The following MCMBP variants were observed in gnomAD, a reference collection of about 807,000 sequenced individuals.
MCMBP encodes mini-chromosome maintenance complex-binding protein.
In MCMBP, 31 loss-of-function variants were observed where a neutral mutation model predicts 81.3. The ratio of observed to expected loss-of-function variants is 0.38; its 90% CI spans 0.29 to 0.51. The LOEUF (loss-of-function observed/expected upper bound fraction) is 0.51. MCMBP is among the 20% of genes least tolerant of loss of function. The probability of loss-of-function intolerance (pLI) is 0.87; values close to 1 mark genes in which losing one functional copy is unlikely to be tolerated. For synonymous variants in MCMBP, 267 were observed against 275.9 expected (o/e 0.97, Z 0.32); for missense variants, 645 against 772.1 (o/e 0.84, Z 1.95).
intron 1 of MCMBP, among the ~76,000 whole-genome samples, chr10:119,867,011 G>T (rs903133967): frequency 6.6e-6 from 1 of 151,772 alleles, no homozygotes; most frequent in Non-Finnish European, 1.5e-5. Flanking sequence ...GGTTACTTCA[G>T]GCAGGGCACG....
chr10:119,868,104 C>A (rs1184363135), intron 1 of MCMBP, among the ~76,000 whole-genome samples: 1 of 152,134 alleles, frequency 6.6e-6, no homozygotes, highest in East Asian at 1.9e-4. Flanking sequence ...GAATAATGAT[C>A]TTGGTCTAAC....
intron 15 of MCMBP, 124 bp downstream of exon 15, chr10:119,831,888 A>T: frequency 1.0e-6 from 1 of 1,004,778 alleles, no homozygotes; most frequent in Admixed American, 2.6e-5. Context: ...GCCCTTTCAT[A>T]CAGCGTTTTT....
At position 119,840,949 on chromosome 10, in the gene MCMBP, C is replaced by G; in HGVS notation, c.1136G>C (p.Arg379Thr). 6.3e-7 allele frequency: 1 copy of G among 1,587,714 alleles called. No homozygotes were observed. Among genetic ancestry groups the G allele is most frequent in the Non-Finnish European group, 8.6e-7 (1 of 1,159,020 alleles). Residue 379 changes from arginine (R) to threonine (T), a missense_variant, in exon 11 of 16, where the codon AGA becomes ACA. Transcript: ENST00000369077. ...LHLISTVYTR[R>T]DVLPLGKFTV... ...AAATTTTCCTAGTGGAAGGACATCT[C>G]TTCTTGTATATCTAGAAAAGAAAGA...
chr10:119,835,452 A>T (rs12775607), intron 14 of MCMBP, 88 bp downstream of exon 14: 36 of 1,184,066 alleles, frequency 3.0e-5, no homozygotes, highest in Non-Finnish European at 4.3e-5. Context: ...AAATAACAAA[A>T]TTACCTTATC....
chr10:119,843,264 C>T lies in MCMBP; in HGVS notation c.990G>A (p.Glu330=). 1 of 1,613,644 alleles carries T rather than the reference C, an allele frequency of 6.2e-7. No homozygotes were observed. Among genetic ancestry groups the T allele is most frequent in the Non-Finnish European group, 8.5e-7 (1 of 1,179,722 alleles). Residue 330 remains glutamate, a synonymous_variant, in exon 9 of 16, where the codon GAG becomes GAA. Transcript: ENST00000369077. ...PLLPACLNKE[E]SKTFVSSFMS... ...AACACTTACACTTACAGGTTTTGCT[C>T]TCCTCTTTGTTAAGGCAGGCAGGCA... is the stretch of plus-strand genomic sequence containing the variant.
chr10:119,855,670 G>A (rs577970854), intron 5 of MCMBP, among the ~76,000 whole-genome samples: 87 of 150,354 alleles, frequency 5.8e-4, no homozygotes, highest in African/African-American at 2.0e-3. Flanking sequence ...GCAAGACCCC[G>A]TCTAAAAAAA....
Position 119,842,459 on chromosome 10 carries a change from AT to A in MCMBP, c.1124+12del. ...CCAAACTCCCCTAATTCCCACCAGGATACAGCACTTACACTGTGGAGATGAG... is the reference window on the plus strand; with the variant it reads ...CCAAACTCCCCTAATTCCCACCAGGAACAGCACTTACACTGTGGAGATGAG... On this transcript the variant is annotated intron_variant, in intron 10 of 15. Transcript: ENST00000369077. 4.4e-6 allele frequency: 7 copies of A among 1,607,536 alleles called. No individual in the cohort carries two copies. Among genetic ancestry groups the A allele is most frequent in the Non-Finnish European group, 5.9e-6 (7 of 1,177,616 alleles).
rs1254209914 is a variant in MCMBP, at chr10:119,831,908, A to T, written c.1796+104T>A. The stretch of plus-strand genomic sequence containing the variant: ...TTCATACAGCGTTTTTAAAAGGAAA[A>T]GTTCATTTCCGTTTTTAGAATTCTG... On this transcript the variant is annotated intron_variant, in intron 15 of 15. Transcript: ENST00000369077. The T allele has an allele frequency of 1.3e-4, 151 of 1,153,798 alleles. No homozygotes were observed. In the East Asian group the frequency reaches 1.7e-3, roughly 13 times the overall value. The allele number at this position is 1,153,798 out of a possible 1,614,324, so 71.5% of individuals were successfully genotyped here. A position where few individuals can be genotyped will look rare whatever the true frequency, so the allele number is the denominator to read the frequency against.
At chr10:119,867,208 G>A (rs916614940) in intron 1 of MCMBP, among the ~76,000 whole-genome samples, 4 of 143,800 alleles carry the variant, frequency 2.8e-5, no homozygotes, top group African/African-American at 1.0e-4. Context: ...CATGAGAATC[G>A]CTTGAACCTG....
chr10:119,831,862 G>C lies in MCMBP; in HGVS notation c.1796+150C>G, dbSNP rs1405951732. 3.7e-6 allele frequency: 3 copies of C among 817,020 alleles called. No individual in the cohort carries two copies. The South Asian group carries it at 5.6e-5, about 15-fold the overall frequency. 50.6% of individuals were successfully genotyped at this position (817,020 alleles called of 1,614,324 possible). A position where few individuals can be genotyped will look rare whatever the true frequency, so the allele number is the denominator to read the frequency against. Reference sequence around the variant, plus strand: ...ACTGAAGAGATCACCAGCCAAACTCGATTCCCCCTCAATGAGCCCTTTCAT... The same window carrying C: ...ACTGAAGAGATCACCAGCCAAACTCCATTCCCCCTCAATGAGCCCTTTCAT... On this transcript the variant is annotated intron_variant, in intron 15 of 15. Transcript: ENST00000369077.
At chr10:119,834,435 AATG>A (rs1229859900) in intron 14 of MCMBP, among the ~76,000 whole-genome samples, 1 of 152,192 alleles carries the variant, frequency 6.6e-6, no homozygotes, top group Non-Finnish European at 1.5e-5. Context: ...ACATATTCGA[AATG>A]ATGAGACAAA....
In MCMBP at chr10:119,871,508, A is replaced by T. The variant is rs140260073; in HGVS notation, c.58+1019T>A. ...AACTAATTAGAATTACAGGTAAATT[A>T]ATAAGGACTTCCTGAGTAAGCACTA... is the stretch of plus-strand genomic sequence containing the variant. On this transcript the variant is annotated intron_variant, in intron 1 of 15. Coordinates refer to ENST00000369077, the MANE Select transcript of MCMBP (RefSeq NM_001256378.2). Among the ~76,000 whole-genome samples the T allele has an allele frequency of 3.1e-3, 472 of 152,342 alleles. 1 individual carries two copies. Among genetic ancestry groups the T allele is most frequent in the African/African-American group, 0.011 (454 of 41,576 alleles).
intron 11 of MCMBP, among the ~76,000 whole-genome samples, chr10:119,839,652 C>A (rs1852366304): frequency 6.6e-6 from 1 of 152,154 alleles, no homozygotes; most frequent in Admixed American, 6.5e-5. Context: ...AGGTCAAAAT[C>A]ATGCATGGAT....
intron 7 of MCMBP, among the ~76,000 whole-genome samples, chr10:119,848,870 A>C (rs117845256): frequency 0.011 from 1,741 of 152,342 alleles, 14 homozygotes; most frequent in Non-Finnish European, 0.016. Context: ...GTTAGAAATG[A>C]TACAGGAAGG....
Position 119,843,440 on chromosome 10 carries a change from A to G in MCMBP, c.828-14T>C. 2 of 1,605,652 alleles carry G rather than the reference A, an allele frequency of 1.2e-6. No homozygotes were observed. The highest frequency in any genetic ancestry group is 1.7e-6 in the Non-Finnish European group (2 of 1,174,260). On this transcript the variant is annotated splice_polypyrimidine_tract_variant and intron_variant, in intron 8 of 15. Transcript: ENST00000369077. ...GCAGAGGCATCCCTGTGGAGAGGTG[A>G]TAAAGTTTCAATTTAGAGAGACATC...
At position 119,835,712 on chromosome 10, in the gene MCMBP, GAGA is replaced by G. The variant is rs749187596; in HGVS notation, c.1543-11_1543-9del. ...GTGAATCTGGCAGTCTGCCTGAAAA[GAGA>G]AGGAGTACACTGTATTTTCTGAGTT... is the stretch of plus-strand genomic sequence containing the variant. On this transcript the variant is annotated splice_polypyrimidine_tract_variant and intron_variant, in intron 13 of 15. Coordinates refer to ENST00000369077, the MANE Select transcript of MCMBP (RefSeq NM_001256378.2). The G allele has an allele frequency of 1.2e-6, 2 of 1,614,090 alleles. No individual in the cohort carries two copies. The highest frequency in any genetic ancestry group is 1.7e-6 in the Non-Finnish European group (2 of 1,179,958).
intron 8 of MCMBP, among the ~76,000 whole-genome samples, chr10:119,846,322 A>G (rs1393787512): frequency 6.6e-6 from 1 of 152,262 alleles, no homozygotes; most frequent in Non-Finnish European, 1.5e-5. Context: ...TATACTAAAT[A>G]TAAGTAAATA....
rs972350155 is a variant in MCMBP at position 119,858,762 on chromosome 10, C to A, written c.327+122G>T. On this transcript the variant is annotated intron_variant, in intron 4 of 15. Transcript: ENST00000369077. ...CCTAAATAAAACCAAATAAGGAAAA[C>A]ATTTCACATGATTTCTTGTAACTTA... 5 of 777,622 alleles carry A rather than the reference C, an allele frequency of 6.4e-6. No individual in the cohort carries two copies. The East Asian group carries it at 8.4e-5, about 13-fold the overall frequency. The allele number at this position is 777,622 out of a possible 1,614,324, so 48.2% of individuals were successfully genotyped here.
intron 5 of MCMBP, among the ~76,000 whole-genome samples, chr10:119,854,224 TAG>T (rs1472767628): frequency 6.6e-6 from 1 of 151,836 alleles, no homozygotes; most frequent in African/African-American, 2.4e-5. Flanking sequence ...GTATTTTTTG[TAG>T]AGACAGAGTA....
Sources: gnomAD v4.1 joint callset for allele counts (sites outside exome capture counted in the v4.1 genomes callset) on GRCh38, gnomAD v4.1.1 for gene constraint, MANE v1.5 for transcripts, NCBI Gene and HGNC (gene_info 2026-07-23, HGNC 2026-07-21) for gene names.